The following SNX30 variants were observed in gnomAD, a reference collection of about 807,000 sequenced individuals.
The protein encoded by SNX30 is sorting nexin family member 30, also known as sorting nexin-30.
Under a neutral mutation model 46.4 loss-of-function variants are expected in SNX30, and 24 were observed. The observed-to-expected ratio is 0.52, with a 90% CI of 0.37 to 0.73. SNX30 has a LOEUF of 0.73. Ranked by LOEUF, SNX30 falls within the 30% of genes least tolerant of loss-of-function variation. SNX30 has a pLI of 0.00. For missense variants in SNX30, 533 were observed against 555.7 expected (o/e 0.96, Z 0.41); for synonymous variants, 189 against 211.5 (o/e 0.89, Z 0.92).
At chr9:112,850,487 C>T (rs548215284) in intron 6 of SNX30, among the ~76,000 whole-genome samples, 1 of 152,264 alleles carries the variant, frequency 6.6e-6, no homozygotes, top group Non-Finnish European at 1.5e-5. Context: ...GTGTTGTAGC[C>T]TGCAAAGCTC....
chr9:112,875,181 C>T (rs931663285), downstream of SNX30: 2 of 152,140 alleles, frequency 1.3e-5, no homozygotes, highest in Non-Finnish European at 2.9e-5. Context: ...CCAGTTTACC[C>T]TCAATTTACC....
At chr9:112,791,741 A>G (rs1840028223) in intron 1 of SNX30, among the ~76,000 whole-genome samples, 1 of 152,136 alleles carries the variant, frequency 6.6e-6, no homozygotes, top group African/African-American at 2.4e-5. Context: ...AATTTTACTT[A>G]GAGATTTAAA....
downstream of SNX30, chr9:112,885,417 T>C (rs1841629526): frequency 8.7e-6 from 1 of 115,432 alleles, no homozygotes; most frequent in Non-Finnish European, 1.7e-5. Context: ...ACATGTATTC[T>C]GTGTGTGTAT....
chr9:112,775,235 A>T (rs1280972361), intron 1 of SNX30, among the ~76,000 whole-genome samples: 3 of 145,890 alleles, frequency 2.1e-5, no homozygotes, highest in Admixed American at 7.1e-5. Flanking sequence ...AGCTCACTGC[A>T]ACCTCCACCT....
At chr9:112,829,756 GT>G (rs560049539) in intron 3 of SNX30, among the ~76,000 whole-genome samples, 1 of 149,730 alleles carries the variant, frequency 6.7e-6, no homozygotes, top group Non-Finnish European at 1.5e-5. Context: ...ACCAACACTT[GT>G]TTTTTTTTGT....
upstream of SNX30, chr9:112,750,726 C>G (rs1477137422): frequency 1.3e-5 from 2 of 150,706 alleles, no homozygotes; most frequent in Non-Finnish European, 2.9e-5. Context: ...GGGGCCGGAG[C>G]GGGTGGGCGG....
At chr9:112,853,648 T>C (rs921888346) in intron 7 of SNX30, among the ~76,000 whole-genome samples, 1 of 152,224 alleles carries the variant, frequency 6.6e-6, no homozygotes, top group Non-Finnish European at 1.5e-5. Flanking sequence ...ATTTGACTTA[T>C]ATGTGGAATC....
chr9:112,751,304 G>A, intron 1 of SNX30, 147 bp downstream of exon 1: 8 of 1,075,588 alleles, frequency 7.4e-6, no homozygotes, highest in Non-Finnish European at 9.7e-6. Context: ...GGAGCCCTCG[G>A]CGAAGCGTCT....
intron 1 of SNX30, among the ~76,000 whole-genome samples, chr9:112,788,463 G>A (rs1363568229): frequency 2.0e-5 from 3 of 152,184 alleles, no homozygotes; most frequent in East Asian, 3.9e-4. Context: ...GGAATTGGGC[G>A]AAGGGTAGGA....
At chr9:112,770,865 G>A (rs1179500666) in intron 1 of SNX30, among the ~76,000 whole-genome samples, 4 of 152,196 alleles carry the variant, frequency 2.6e-5, no homozygotes, top group African/African-American at 7.2e-5. Flanking sequence ...GCGTGGTGGC[G>A]CGTGCCTGTA....
intron 6 of SNX30, among the ~76,000 whole-genome samples, chr9:112,848,159 A>G (rs553598264): frequency 6.6e-6 from 1 of 152,044 alleles, no homozygotes; most frequent in South Asian, 2.1e-4. Flanking sequence ...GCAGATCCCT[A>G]TAAAGTTCTG....
chr9:112,868,732 C>T, intron 8 of SNX30, 52 bp from the exon 9 acceptor site: 2 of 1,601,806 alleles, frequency 1.2e-6, no homozygotes, highest in Non-Finnish European at 1.7e-6. Context: ...TTGAAGCTGA[C>T]CCGAAATCGG....
rs528916199 is a variant in SNX30, at chr9:112,756,741, G to A, written c.156+5584G>A. Reference sequence around the variant, plus strand: ...CTCTGAAAGTGCTGGGATCACAGGCGTGAGCCACTGCGCTCGGCTCCTTCA... The same window carrying A: ...CTCTGAAAGTGCTGGGATCACAGGCATGAGCCACTGCGCTCGGCTCCTTCA... On this transcript the variant is annotated intron_variant, in intron 1 of 8. Coordinates refer to ENST00000374232, the MANE Select transcript of SNX30 (RefSeq NM_001012994.2). Among the ~76,000 whole-genome samples the A allele has an allele frequency of 9.9e-5, 15 of 152,246 alleles. No individual in the cohort carries two copies. In the South Asian group the frequency reaches 1.2e-3, roughly 13 times the overall value.
At chr9:112,845,316 G>C (rs1840922930) in intron 6 of SNX30, among the ~76,000 whole-genome samples, 1 of 152,172 alleles carries the variant, frequency 6.6e-6, no homozygotes, top group Non-Finnish European at 1.5e-5. Flanking sequence ...AACCGACTGT[G>C]GGGGAAAAAA....
At chr9:112,785,338 C>T (rs1271376392) in intron 1 of SNX30, among the ~76,000 whole-genome samples, 1 of 151,768 alleles carries the variant, frequency 6.6e-6, no homozygotes, top group Non-Finnish European at 1.5e-5. Context: ...ACCTCATCCT[C>T]CCGAGTAGCT....
intron 6 of SNX30, among the ~76,000 whole-genome samples, chr9:112,841,204 T>C (rs946239393): frequency 3.3e-5 from 5 of 152,192 alleles, no homozygotes; most frequent in African/African-American, 1.2e-4. Flanking sequence ...TGGGATACTA[T>C]AGTACAAATT....
In SNX30 at chr9:112,836,246, A is replaced by G. The variant is rs1840748617; in HGVS notation, c.651A>G (p.Ala217=). 1.2e-6 allele frequency: 2 copies of G among 1,608,046 alleles called. No homozygotes were observed. The highest frequency in any genetic ancestry group is 1.7e-6 in the Non-Finnish European group (2 of 1,174,800). ...ACGCCTACAAGAAGCAAGGGATAGC[A>G]TTGCTGACCAGAATGGGCGAGTCAG... is the stretch of plus-strand genomic sequence containing the variant. ...DLNAYKKQGI[A]LLTRMGESVK... The change falls in exon 5 of 9, where the codon GCA becomes GCG. Residue 217 remains alanine (A), a synonymous_variant. Coordinates refer to ENST00000374232, the MANE Select transcript of SNX30 (RefSeq NM_001012994.2).
chr9:112,865,649 ATATAT>A (rs1841317379), intron 8 of SNX30, among the ~76,000 whole-genome samples: 1 of 86,054 alleles, frequency 1.2e-5, no homozygotes, highest in African/African-American at 3.7e-5. Flanking sequence ...ATATATATAT[ATATAT>A]ATATATATGT....
intron 1 of SNX30, among the ~76,000 whole-genome samples, chr9:112,797,689 CTCTT>C (rs991326858): frequency 1.4e-5 from 2 of 146,350 alleles, no homozygotes; most frequent in African/African-American, 5.0e-5. Flanking sequence ...CTTGCGCTCT[CTCTT>C]CTTTTCTTTT....
Sources: allele counts gnomAD v4.1 joint callset (sites outside exome capture counted in the v4.1 genomes callset), GRCh38; gene constraint gnomAD v4.1.1; transcripts MANE v1.5; gene names NCBI Gene and HGNC (gene_info 2026-07-23, HGNC 2026-07-21).